DACH1: variants seen among roughly 807,000 people sequenced by gnomAD.
DACH1 encodes the protein dachshund family transcription factor 1, also known as dachshund homolog 1.
DACH1 carries 12 observed loss-of-function variants against 54.2 expected under a neutral mutation model. That is an observed-to-expected ratio of 0.22 (90% CI 0.14 to 0.36). DACH1 has a LOEUF of 0.36. Among genes scored for constraint, DACH1 ranks in the 10% least tolerant of loss-of-function variants. The pLI is 1.00. For synonymous variants in DACH1, 386 were observed against 366.2 expected, an observed-to-expected ratio of 1.05 and a Z score of -0.62; for missense variants, 805 against 929.8, an observed-to-expected ratio of 0.87 and a Z score of 1.75.
chr13:71,796,144 A>G (rs1176314297), intron 1 of DACH1, among the ~76,000 whole-genome samples: 1 of 152,148 alleles, frequency 6.6e-6, no homozygotes, highest in Non-Finnish European at 1.5e-5. Context: ...TAATTCTGCA[A>G]GTGACTTCAC....
At chr13:71,786,116 C>T (rs1221281366) in intron 1 of DACH1, among the ~76,000 whole-genome samples, 2 of 151,710 alleles carry the variant, frequency 1.3e-5, no homozygotes, top group Non-Finnish European at 2.9e-5. Flanking sequence ...AGGAGTAAGC[C>T]ACAGGAAAGA....
chr13:71,594,002 T>C (rs1873912865), intron 3 of DACH1, among the ~76,000 whole-genome samples: 1 of 151,418 alleles, frequency 6.6e-6, no homozygotes. Context: ...ATATTGACCA[T>C]TTTAAAAACT....
chr13:71,457,427 A>G, intron 10 of DACH1, among the ~76,000 whole-genome samples: 1 of 151,990 alleles, frequency 6.6e-6, no homozygotes. Context: ...TCACTATTCT[A>G]ATTTCATGTA....
rs1447377219 is a variant in DACH1 at position 71,438,322 on chromosome 13, G to A, written c.*2333C>T. 1 of 152,208 alleles carries A rather than the reference G, an allele frequency of 6.6e-6. No individual in the cohort carries two copies. The highest frequency in any genetic ancestry group is 2.4e-5 in the African/African-American group (1 of 41,382). 9.4% of individuals were successfully genotyped at this position (152,208 alleles called of 1,614,324 possible). A position where few individuals can be genotyped will look rare whatever the true frequency, so the allele number is the denominator to read the frequency against. On this transcript the variant is annotated 3_prime_UTR_variant, in exon 11 of 11. Transcript: ENST00000613252. Reference sequence around the variant, plus strand: ...AATATTTTTAGGATTACAAAAGCATGGAAACCATAAAATGGGCACATTTTA... The same window carrying A: ...AATATTTTTAGGATTACAAAAGCATAGAAACCATAAAATGGGCACATTTTA...
rs572695992 is a variant in DACH1 at position 71,802,371 on chromosome 13, T to C, written c.848+63551A>G. On this transcript the variant is annotated intron_variant, in intron 1 of 10. Coordinates refer to ENST00000613252, the MANE Select transcript of DACH1 (RefSeq NM_080759.6). The stretch of plus-strand genomic sequence containing the variant: ...TTTGTGAATCCATTTAATACTTTTT[T>C]CTATTATTTGTTAAATAATTGTTTG... 1.4e-4 allele frequency among the ~76,000 whole-genome samples: 21 copies of C among 152,232 alleles called. 1 individual carries two copies. In the South Asian group the frequency reaches 4.3e-3, roughly 32 times the overall value.
chr13:71,763,340 T>G (rs1885480922), intron 1 of DACH1, among the ~76,000 whole-genome samples: 1 of 152,234 alleles, frequency 6.6e-6, no homozygotes, highest in African/African-American at 2.4e-5. Context: ...AACAGTTTGC[T>G]ACACTGCCTC....
intron 3 of DACH1, among the ~76,000 whole-genome samples, chr13:71,619,639 AAC>A (rs1315703380): frequency 2.0e-5 from 3 of 151,928 alleles, no homozygotes; most frequent in Non-Finnish European, 4.4e-5. Flanking sequence ...TAATTAAGAA[AAC>A]AGATTACAAA....
chr13:71,463,639 A>G (rs1876303329), intron 10 of DACH1, among the ~76,000 whole-genome samples: 1 of 152,000 alleles, frequency 6.6e-6, no homozygotes, highest in Admixed American at 6.6e-5. Context: ...GTTTCGTCAA[A>G]TATAAAATGG....
At chr13:71,754,784 G>A (rs990090064) in intron 1 of DACH1, among the ~76,000 whole-genome samples, 5 of 150,178 alleles carry the variant, frequency 3.3e-5, no homozygotes, top group African/African-American at 7.3e-5. Context: ...TCTGCAAAAC[G>A]TAAAAAACGC....
intron 1 of DACH1, among the ~76,000 whole-genome samples, chr13:71,839,372 C>A (rs1029272204): frequency 1.3e-5 from 2 of 152,050 alleles, no homozygotes; most frequent in African/African-American, 4.8e-5. Flanking sequence ...CTTTGGGAGG[C>A]CAAGGCGGGT....
intron 1 of DACH1, among the ~76,000 whole-genome samples, chr13:71,808,875 A>C (rs1388173591): frequency 1.3e-5 from 2 of 152,158 alleles, no homozygotes; most frequent in African/African-American, 4.8e-5. Context: ...CCTAGTAAAA[A>C]GGGTACATTT....
intron 1 of DACH1, among the ~76,000 whole-genome samples, chr13:71,777,745 C>T (rs184184268): frequency 7.6e-4 from 115 of 152,100 alleles, no homozygotes; most frequent in Admixed American, 3.1e-3. Flanking sequence ...CTTTGTCAGA[C>T]GTTTAATTTT....
chr13:71,481,690 T>C (rs909985539), intron 7 of DACH1, among the ~76,000 whole-genome samples: 1 of 152,166 alleles, frequency 6.6e-6, no homozygotes, highest in African/African-American at 2.4e-5. Flanking sequence ...GCCAAACTGA[T>C]GCATATGCAA....
In DACH1 at chr13:71,451,712, G is replaced by T. The variant is rs142905645; in HGVS notation, c.2084-11020C>A. ...AAGATTAAAGAGACTAAAGAGAAAT[G>T]ACAACTAAATATAGCACGTGACCCT... On this transcript the variant is annotated intron_variant, in intron 10 of 10. Coordinates refer to ENST00000613252, the MANE Select transcript of DACH1 (RefSeq NM_080759.6). Among the ~76,000 whole-genome samples, 380 of 152,242 alleles carry T rather than the reference G, an allele frequency of 2.5e-3. 5 individuals carry two copies. Among genetic ancestry groups the T allele is most frequent in the Non-Finnish European group, 4.9e-4 (33 of 68,026 alleles).
chr13:71,445,217 A>G (rs950053490), intron 10 of DACH1, among the ~76,000 whole-genome samples: 1 of 152,164 alleles, frequency 6.6e-6, no homozygotes, highest in Admixed American at 6.6e-5. Context: ...TAATATGCCT[A>G]TGTAACAAAA....
At chr13:71,827,517 A>G (rs1201866003) in intron 1 of DACH1, among the ~76,000 whole-genome samples, 2 of 152,210 alleles carry the variant, frequency 1.3e-5, no homozygotes, top group East Asian at 1.9e-4. Context: ...AAATGATTCC[A>G]TAATAGCAGA....
intron 1 of DACH1, among the ~76,000 whole-genome samples, chr13:71,750,081 A>G (rs1884855385): frequency 6.6e-6 from 1 of 152,172 alleles, no homozygotes; most frequent in Non-Finnish European, 1.5e-5. Context: ...ATTCTGTCAC[A>G]TTCACTCTTA....
chr13:71,771,787 C>T (rs1044059291), intron 1 of DACH1, among the ~76,000 whole-genome samples: 1 of 148,132 alleles, frequency 6.8e-6, no homozygotes, highest in African/African-American at 2.6e-5. Context: ...CACACACATA[C>T]ACACACACTC....
At chr13:71,787,185 CA>C (rs1467513773) in intron 1 of DACH1, among the ~76,000 whole-genome samples, 1 of 152,080 alleles carries the variant, frequency 6.6e-6, no homozygotes, top group African/African-American at 2.4e-5. Context: ...GGGCAGCAAA[CA>C]AAAGGGAAAA....
Sources: allele counts gnomAD v4.1 joint callset (sites outside exome capture counted in the v4.1 genomes callset), GRCh38; gene constraint gnomAD v4.1.1; transcripts MANE v1.5; gene names NCBI Gene and HGNC (gene_info 2026-07-23, HGNC 2026-07-21).